Variants in GRID1 observed in about 807,000 individuals in gnomAD.
GRID1 encodes the protein glutamate ionotropic receptor delta type subunit 1.
A neutral mutation model predicts 98.0 loss-of-function variants in GRID1; 28 were observed. The observed-to-expected ratio is 0.29, with a 90% confidence interval of 0.21 to 0.39. The LOEUF is 0.39. GRID1 is among the 10% of genes least tolerant of loss of function. The probability of loss-of-function intolerance (pLI) is 1.00; values close to 1 mark genes in which losing one functional copy is unlikely to be tolerated. For missense variants in GRID1, 1,111 were observed against 1,340.5 expected (o/e 0.83, Z 2.67); for synonymous variants, 553 against 538.5 (o/e 1.03, Z -0.37).
chr10:85,676,606 G>A (rs1056529896), intron 12 of GRID1, among the ~76,000 whole-genome samples: 3 of 152,176 alleles, frequency 2.0e-5, no homozygotes, highest in African/African-American at 7.2e-5. Flanking sequence ...CAATGGAGAC[G>A]CAGCTTCCAA....
chr10:85,836,634 G>A (rs1842913810), intron 8 of GRID1, among the ~76,000 whole-genome samples: 1 of 152,180 alleles, frequency 6.6e-6, no homozygotes, highest in South Asian at 2.1e-4. Flanking sequence ...AGAGGCTTTG[G>A]TATAGGTGCA....
chr10:86,086,799 G>A (rs966958539), intron 4 of GRID1, among the ~76,000 whole-genome samples: 1 of 152,074 alleles, frequency 6.6e-6, no homozygotes, highest in Non-Finnish European at 1.5e-5. Flanking sequence ...GTGTGTCAGT[G>A]CCCCCAGGCT....
chr10:86,346,842 A>G (rs192526811), intron 2 of GRID1, among the ~76,000 whole-genome samples: 291 of 152,260 alleles, frequency 1.9e-3, no homozygotes, highest in African/African-American at 6.4e-3. Flanking sequence ...TATTGGGAGG[A>G]ATAAAGCAGA....
At chr10:86,363,000 A>G (rs1848620868) in intron 2 of GRID1, among the ~76,000 whole-genome samples, 1 of 152,254 alleles carries the variant, frequency 6.6e-6, no homozygotes, top group African/African-American at 2.4e-5. Context: ...GGTTGCGGGG[A>G]GCAAGGCAGA....
intron 5 of GRID1, among the ~76,000 whole-genome samples, chr10:85,885,124 T>G (rs547008856): frequency 6.6e-6 from 1 of 152,350 alleles, no homozygotes; most frequent in South Asian, 2.1e-4. Context: ...AAAATCTGCA[T>G]TTTGAATCAA....
intron 2 of GRID1, among the ~76,000 whole-genome samples, chr10:86,292,186 C>T (rs999698613): frequency 6.6e-6 from 1 of 152,200 alleles, no homozygotes; most frequent in African/African-American, 2.4e-5. Flanking sequence ...GGGAACCTGA[C>T]CAAGGGGAGA....
chr10:85,696,895 T>C (rs956620190), intron 12 of GRID1, among the ~76,000 whole-genome samples: 2 of 152,054 alleles, frequency 1.3e-5, no homozygotes, highest in Non-Finnish European at 2.9e-5. Context: ...TTCAGTAATA[T>C]TTTAGCTACA....
chr10:86,032,375 C>T (rs530981478), intron 4 of GRID1, among the ~76,000 whole-genome samples: 8 of 151,966 alleles, frequency 5.3e-5, no homozygotes, highest in South Asian at 2.1e-4. Flanking sequence ...GCAGTTTTGT[C>T]GAGTGTAAGG....
chr10:85,993,796 C>T (rs886624417), intron 4 of GRID1, among the ~76,000 whole-genome samples: 10 of 152,042 alleles, frequency 6.6e-5, no homozygotes, highest in African/African-American at 2.4e-4. Flanking sequence ...CATTATATAC[C>T]CATCTTATAG....
rs187606060 is a variant in GRID1, at chr10:86,220,518, G to A, written c.236-13870C>T. Reference sequence around the variant, plus strand: ...ACTTACCACCCACTGCAAGAAGAGTGAGAAGAAAGCAGCCTGGCCAGGTTC... The same window carrying A: ...ACTTACCACCCACTGCAAGAAGAGTAAGAAGAAAGCAGCCTGGCCAGGTTC... On this transcript the variant is annotated intron_variant, in intron 2 of 15. Transcript: ENST00000327946. 4.6e-5 allele frequency among the ~76,000 whole-genome samples: 7 copies of A among 152,328 alleles called. No individual in the cohort carries two copies. The East Asian group carries it at 1.4e-3, about 29-fold the overall frequency.
chr10:85,626,022 C>T (rs76598478), intron 13 of GRID1, among the ~76,000 whole-genome samples: 5,129 of 152,286 alleles, frequency 0.034, 125 homozygotes, highest in Non-Finnish European at 0.047. Context: ...ACTGCTCCCC[C>T]CAAATGAGAA....
chr10:86,213,526 A>T (rs1846134007), intron 2 of GRID1, among the ~76,000 whole-genome samples: 1 of 152,030 alleles, frequency 6.6e-6, no homozygotes, highest in Non-Finnish European at 1.5e-5. Flanking sequence ...AGCTCAAGAG[A>T]AAAGTTTCTC....
At chr10:85,928,379 A>G (rs1207048069) in intron 4 of GRID1, among the ~76,000 whole-genome samples, 2 of 152,250 alleles carry the variant, frequency 1.3e-5, no homozygotes, top group African/African-American at 4.8e-5. Flanking sequence ...TCACTCAGGC[A>G]AAAGGGAAAG....
intron 2 of GRID1, among the ~76,000 whole-genome samples, chr10:86,281,227 T>C (rs570285908): frequency 2.0e-5 from 3 of 152,272 alleles, no homozygotes; most frequent in African/African-American, 7.2e-5. Flanking sequence ...AATGGAACAC[T>C]TGGATAAAGA....
intron 2 of GRID1, among the ~76,000 whole-genome samples, chr10:86,283,553 A>ACACACACATG (rs60496892): frequency 0.92 from 137,791 of 150,166 alleles, 63,925 homozygotes; most frequent in African/African-American, 0.95. Flanking sequence ...ACCTGCCCTT[A>ACACACACATG]CACACACATG....
At chr10:86,073,968 G>A (rs999983935) in intron 4 of GRID1, among the ~76,000 whole-genome samples, 1 of 136,624 alleles carries the variant, frequency 7.3e-6, no homozygotes, top group Non-Finnish European at 1.6e-5. Context: ...GAGGGTGGGG[G>A]AAATTCCCAT....
At chr10:85,642,762 C>T (rs1391336478) in intron 13 of GRID1, among the ~76,000 whole-genome samples, 1 of 152,184 alleles carries the variant, frequency 6.6e-6, no homozygotes, top group East Asian at 1.9e-4. Flanking sequence ...CCTTTATTTG[C>T]ATCTTTTGCT....
At chr10:85,939,525 G>A (rs1326992224) in intron 4 of GRID1, among the ~76,000 whole-genome samples, 1 of 151,878 alleles carries the variant, frequency 6.6e-6, no homozygotes, top group Non-Finnish European at 1.5e-5. Context: ...TCATTCCTTG[G>A]CCCCTTCCTC....
intron 5 of GRID1, among the ~76,000 whole-genome samples, chr10:85,902,535 ACT>A (rs1235976202): frequency 1.3e-5 from 2 of 152,230 alleles, no homozygotes; most frequent in Non-Finnish European, 2.9e-5. Context: ...AAACTATATT[ACT>A]GTTTCTAAGT....
Sources: allele counts gnomAD v4.1 joint callset (sites outside exome capture counted in the v4.1 genomes callset), GRCh38; gene constraint gnomAD v4.1.1; transcripts MANE v1.5; gene names NCBI Gene and HGNC (gene_info 2026-07-23, HGNC 2026-07-21).